The following USP36 variants were observed in gnomAD, a reference collection of about 807,000 sequenced individuals.
USP36 encodes ubiquitin carboxyl-terminal hydrolase 36.
USP36 carries 59 observed loss-of-function variants against 111.5 expected under a neutral mutation model. That is an observed-to-expected ratio of 0.53 (90% CI 0.43 to 0.66). The LOEUF (loss-of-function observed/expected upper bound fraction) is 0.66. Ranked by LOEUF, USP36 falls within the 30% of genes least tolerant of loss-of-function variation. The pLI is 0.00. For missense variants in USP36, 1,488 were observed against 1,468.0 expected, an observed-to-expected ratio of 1.01 and a Z score of -0.22; for synonymous variants, 628 against 581.0, an observed-to-expected ratio of 1.08 and a Z score of -1.16.
chr17:78,798,613 T>A lies in USP36; in HGVS notation c.3241-62A>T. On this transcript the variant is annotated intron_variant, in intron 19 of 20. Transcript: ENST00000449938. This position sits in a 1 kb window ranked among gnomAD's most constrained non-coding sequence, Gnocchi z 5.1. ...ACGGCTCTTTCCTGGCCCACGGGGC[T>A]CCATGCTGCATGCAGGTCCTGCACA... 1 of 1,601,048 alleles carries A rather than the reference T, an allele frequency of 6.2e-7. No homozygotes were observed. The highest frequency in any genetic ancestry group is 8.5e-7 in the Non-Finnish European group (1 of 1,178,636).
intron 15 of USP36, among the ~76,000 whole-genome samples, chr17:78,804,386 G>A (rs1397929016): frequency 6.6e-6 from 1 of 151,322 alleles, no homozygotes; most frequent in East Asian, 1.9e-4. Context: ...GCTTGAACCT[G>A]GGAGGTGGAG....
chr17:78,804,040 T>C, intron 15 of USP36, 62 bp from the exon 16 acceptor site: 1 of 1,279,228 alleles, frequency 7.8e-7, no homozygotes, highest in East Asian at 2.3e-5. Context: ...AGCTGTTCCT[T>C]CTGTCTACCC....
intron 10 of USP36, among the ~76,000 whole-genome samples, chr17:78,815,463 T>C (rs2094156356): frequency 6.6e-6 from 1 of 152,188 alleles, no homozygotes; most frequent in Admixed American, 6.5e-5. Context: ...GTCAAGCATC[T>C]CCATTAGTTC....
downstream of USP36, among the ~76,000 whole-genome samples, chr17:78,794,297 C>G (rs2093605733): frequency 6.6e-6 from 1 of 152,220 alleles, no homozygotes; most frequent in South Asian, 2.1e-4. Flanking sequence ...GTCTAAAAAG[C>G]ACATCAGACC....
intron 6 of USP36, 23 bp downstream of exon 6, chr17:78,827,222 A>AGGTGGGGG: frequency 1.4e-6 from 1 of 712,422 alleles, no homozygotes; most frequent in Non-Finnish European, 1.7e-6. Context: ...AAGCCCTGGG[A>AGGTGGGGG]GGGTGGGTGG....
At chr17:78,811,325 C>CACATA (rs2094049314) in intron 13 of USP36, among the ~76,000 whole-genome samples, 1 of 152,014 alleles carries the variant, frequency 6.6e-6, no homozygotes, top group African/African-American at 2.4e-5. Flanking sequence ...AACCTGTAAC[C>CACATA]ACATAACCTT....
chr17:78,820,934 T>C lies in USP36; in HGVS notation c.828+57A>G, dbSNP rs1252057559. On this transcript the variant is annotated intron_variant, in intron 8 of 20. Coordinates refer to ENST00000449938, the MANE Select transcript of USP36 (RefSeq NM_001385174.1). ...GCCTTTACTGTTCTGCGGGTTCTGT[T>C]TCACCCTCTGGCCTCGCTCTCCTAC... 6 of 1,551,078 alleles carry C rather than the reference T, an allele frequency of 3.9e-6. No individual in the cohort carries two copies. Among genetic ancestry groups the C allele is most frequent in the Non-Finnish European group, 5.3e-6 (6 of 1,141,326 alleles).
intron 5 of USP36, among the ~76,000 whole-genome samples, chr17:78,828,078 T>C (rs1746654816): frequency 6.6e-6 from 1 of 151,586 alleles, no homozygotes; most frequent in Admixed American, 6.6e-5. Context: ...ACAAAAACAG[T>C]CAAGTGTGGT....
At position 78,797,524 on chromosome 17, in the gene USP36, T is replaced by A. The variant is rs1333634396; in HGVS notation, c.*376A>T. On this transcript the variant is annotated 3_prime_UTR_variant, in exon 21 of 21. Coordinates refer to ENST00000449938, the MANE Select transcript of USP36 (RefSeq NM_001385174.1). ...GCACCGGGAGACCACCTGGGGGACATGTGGCCACCATCCCCCACTCTCCTG... is the reference window on the plus strand; with the variant it reads ...GCACCGGGAGACCACCTGGGGGACAAGTGGCCACCATCCCCCACTCTCCTG... 6.6e-6 allele frequency: 1 copy of A among 152,122 alleles called. No homozygotes were observed. The highest frequency in any genetic ancestry group is 2.4e-5 in the African/African-American group (1 of 41,312). The allele number at this position is 152,122 out of a possible 1,614,324, so 9.4% of individuals were successfully genotyped here. A position where few individuals can be genotyped will look rare whatever the true frequency, so the allele number is the denominator to read the frequency against.
In USP36 at chr17:78,821,941, T is replaced by G. The variant is rs1041105069; in HGVS notation, c.753A>C (p.Ser251=). Residue 251 remains serine, a synonymous_variant, in exon 7 of 21, where the codon TCA becomes TCC. Coordinates refer to ENST00000449938, the MANE Select transcript of USP36 (RefSeq NM_001385174.1). ...AGAACAAACGTCTCCACTTACCGCG[T>G]GATCTGAGATACCCTCCAAAAATTT... The part of the protein sequence containing the change: ...VHQIFGGYLR[S]RVKCSVCKSV... 3.1e-6 allele frequency: 5 copies of G among 1,613,968 alleles called. No homozygotes were observed. The highest frequency in any genetic ancestry group is 2.7e-5 in the African/African-American group (2 of 74,910).
At chr17:78,808,073 A>T (rs537188755) in intron 13 of USP36, among the ~76,000 whole-genome samples, 1 of 152,352 alleles carries the variant, frequency 6.6e-6, no homozygotes, top group African/African-American at 2.4e-5. Context: ...GGGAAGAGAA[A>T]AAAGTATAAA....
chr17:78,815,810 C>T (rs891066421), intron 10 of USP36, among the ~76,000 whole-genome samples: 6 of 150,834 alleles, frequency 4.0e-5, no homozygotes, highest in South Asian at 2.1e-4. Flanking sequence ...ATACATACAT[C>T]GTATACACAC....
intron 4 of USP36, among the ~76,000 whole-genome samples, chr17:78,832,183 TAC>T (rs1281199990): frequency 7.2e-5 from 11 of 152,320 alleles, no homozygotes; most frequent in African/African-American, 2.6e-4. Context: ...CTAGACTATT[TAC>T]ACAGTGTTTC....
chr17:78,820,459 T>C (rs1462480844), intron 8 of USP36, among the ~76,000 whole-genome samples: 2 of 152,066 alleles, frequency 1.3e-5, no homozygotes, highest in East Asian at 3.9e-4. Flanking sequence ...CAAGACCCTG[T>C]CCCTCAAGCC....
chr17:78,835,349 T>C lies in USP36; in HGVS notation c.406A>G (p.Thr136Ala). The C allele has an allele frequency of 6.2e-7, 1 of 1,614,228 alleles. No homozygotes were observed. Among genetic ancestry groups the C allele is most frequent in the Non-Finnish European group, 8.5e-7 (1 of 1,180,046 alleles). The change falls in exon 4 of 21, where the codon ACC becomes GCC. Residue 136 changes from threonine (T) to alanine (A), a missense_variant. Physicochemically the swap from Thr to Ala is moderately conservative, Grantham distance 58. Around this residue, in one of 3 missense-constraint regions of USP36, gnomAD observed 219 missense variants for 209.5 expected, o/e 1.05. Coordinates refer to ENST00000449938, the MANE Select transcript of USP36 (RefSeq NM_001385174.1). ...NLGNTCFLNA[T>A]IQCLTYTPPL... ...GGTGTGTAGGTCAAGCACTGGATGGTGGCATTGAGAAAGCAGGTGTTGCCA... is the reference window on the plus strand; with the variant it reads ...GGTGTGTAGGTCAAGCACTGGATGGCGGCATTGAGAAAGCAGGTGTTGCCA...
intron 9 of USP36, 73 bp downstream of exon 9, chr17:78,819,857 A>G: frequency 6.7e-7 from 1 of 1,496,208 alleles, no homozygotes; most frequent in South Asian, 1.1e-5. Context: ...GTGGGTGGGC[A>G]CAACACTGTC....
rs1467312791 is a variant in USP36, at chr17:78,803,457, C to T, written c.2738G>A (p.Arg913Lys). The change falls in exon 16 of 21, where the codon AGG (arginine) becomes AAG (lysine). Residue 913 changes from arginine to lysine, a missense_variant. Transcript: ENST00000449938. The surrounding 1 kb of genome is among the most constrained non-coding windows in gnomAD (Gnocchi z 4.6). ...TTCTGCTCCTTTCCTCCTCCGCTTC[C>T]TGCTGCTCGCGTGGTGGCCGTCCGT... is the stretch of plus-strand genomic sequence containing the variant. ...CVTDGHHASS[R>K]KRRRKGAEGL... The T allele has an allele frequency of 6.2e-7, 1 of 1,614,176 alleles. No homozygotes were observed. Among genetic ancestry groups the T allele is most frequent in the East Asian group, 2.2e-5 (1 of 44,872 alleles).
rs762683755 is a variant in USP36, at chr17:78,807,605, T to C, written c.1439A>G (p.His480Arg). The C allele has an allele frequency of 1.9e-6, 3 of 1,544,594 alleles. No homozygotes were observed. The highest frequency in any genetic ancestry group is 2.6e-6 in the Non-Finnish European group (3 of 1,146,566). The change falls in exon 14 of 21, where the codon CAC becomes CGC. Residue 480 changes from histidine (H) to arginine (R), a missense_variant. Transcript: ENST00000449938. ...RQDSGTMKKP[H>R]TTEEIGVPIS... ...GGGCACACCAATCTCTTCAGTGGTG[T>C]GCGGCTTCTTCATCGTCCCAGAGTC...
chr17:78,827,044 A>G, intron 6 of USP36: 1 of 710,244 alleles, frequency 1.4e-6, no homozygotes, highest in South Asian at 1.5e-5. Context: ...GTCTCCGGAG[A>G]CAGCCCTTTC....
Sources: gnomAD v4.1 joint callset for allele counts (sites outside exome capture counted in the v4.1 genomes callset) on GRCh38, gnomAD v4.1.1 for gene constraint, gnomAD v4.1.1 regional missense constraint, Gnocchi (gnomAD v3.1) non-coding constraint, MANE v1.5 for transcripts, NCBI Gene and HGNC (gene_info 2026-07-23, HGNC 2026-07-21) for gene names.